Variants in DPYSL2 observed in about 807,000 individuals in gnomAD.
DPYSL2 encodes dihydropyrimidinase-related protein 2.
In DPYSL2, 13 loss-of-function variants were observed where a neutral mutation model predicts 69.9. That is an observed-to-expected ratio of 0.19 (90% CI 0.12 to 0.30). DPYSL2 has a LOEUF of 0.30. Ranked by LOEUF, DPYSL2 falls within the 10% of genes least tolerant of loss-of-function variation. The probability of loss-of-function intolerance (pLI) is 1.00; values close to 1 mark genes in which losing one functional copy is unlikely to be tolerated. For missense variants in DPYSL2, 587 were observed against 918.9 expected (o/e 0.64, Z 4.67); for synonymous variants, 326 against 359.1 (o/e 0.91, Z 1.04).
intron 1 of DPYSL2, among the ~76,000 whole-genome samples, chr8:26,527,062 G>A (rs961847456): frequency 6.6e-6 from 1 of 152,212 alleles, no homozygotes. Context: ...TTTGTGGCTT[G>A]AGCCAATATT....
At chr8:26,573,390 C>T (rs1024184231) in intron 1 of DPYSL2, among the ~76,000 whole-genome samples, 2 of 150,778 alleles carry the variant, frequency 1.3e-5, no homozygotes, top group Non-Finnish European at 3.0e-5. Flanking sequence ...TGGGCGTGGC[C>T]GGGCGCGGTG....
rs1801910084 is a variant in DPYSL2, at chr8:26,598,235, T to C, written c.628+14252T>C. On this transcript the variant is annotated intron_variant, in intron 3 of 13. Coordinates refer to ENST00000521913, the MANE Select transcript of DPYSL2 (RefSeq NM_001197293.3). This position sits in a 1 kb window ranked among gnomAD's most constrained non-coding sequence, Gnocchi z 4.2. The stretch of plus-strand genomic sequence containing the variant: ...GGTATTCGAAGGGCTAAATTTGTTT[T>C]GTGACTTTTGCCTTCAGCAGCCATC... Among the ~76,000 whole-genome samples, 1 of 152,226 alleles carries C rather than the reference T, an allele frequency of 6.6e-6. No homozygotes were observed. Among genetic ancestry groups the C allele is most frequent in the Admixed American group, 6.5e-5 (1 of 15,290 alleles).
In DPYSL2 at chr8:26,609,736, C is replaced by A. The variant is rs1355330398; in HGVS notation, c.629-14407C>A. Among the ~76,000 whole-genome samples, 2 of 152,202 alleles carry A rather than the reference C, an allele frequency of 1.3e-5. No individual in the cohort carries two copies. The highest frequency in any genetic ancestry group is 2.9e-5 in the Non-Finnish European group (2 of 68,032). ...GCCAGGCAGGGACTGTTGACCCTGG[C>A]CCCTGTAGGAAGCACCTCTGGCTTG... On this transcript the variant is annotated intron_variant, in intron 3 of 13. Coordinates refer to ENST00000521913, the MANE Select transcript of DPYSL2 (RefSeq NM_001197293.3). The surrounding 1 kb of genome is among the most constrained non-coding windows in gnomAD (Gnocchi z 6.5).
At chr8:26,645,955 T>A (rs1286144091) in intron 10 of DPYSL2, among the ~76,000 whole-genome samples, 1 of 152,128 alleles carries the variant, frequency 6.6e-6, no homozygotes, top group Non-Finnish European at 1.5e-5. Flanking sequence ...AACGTCCGCC[T>A]CCCGGGTTCA....
rs1402987487 is a variant in DPYSL2, at chr8:26,640,190, A to G, written c.1127-3249A>G. Among the ~76,000 whole-genome samples, 1 of 152,192 alleles carries G rather than the reference A, an allele frequency of 6.6e-6. No individual in the cohort carries two copies. The highest frequency in any genetic ancestry group is 1.5e-5 in the Non-Finnish European group (1 of 68,028). ...GCCAGAGCTGGGAGCTATCAAGCAT[A>G]TTTAAACCGCAGCCTTCCATTTATT... is the stretch of plus-strand genomic sequence containing the variant. On this transcript the variant is annotated intron_variant, in intron 8 of 13. Coordinates refer to ENST00000521913, the MANE Select transcript of DPYSL2 (RefSeq NM_001197293.3). This position sits in a 1 kb window ranked among gnomAD's most constrained non-coding sequence, Gnocchi z 4.2.
chr8:26,655,278 C>T (rs1212913438), intron 13 of DPYSL2, among the ~76,000 whole-genome samples: 1 of 152,110 alleles, frequency 6.6e-6, no homozygotes, highest in Non-Finnish European at 1.5e-5. Flanking sequence ...AGGAGGATTG[C>T]TTGAGCCCAG....
Position 26,626,490 on chromosome 8 carries a change from C to CACAA in DPYSL2, c.794-124_794-123insAACA, listed in dbSNP as rs1940984572. 4 of 132,178 alleles carry CACAA rather than the reference C, an allele frequency of 3.0e-5. No individual in the cohort carries two copies. In the East Asian group the frequency reaches 4.3e-4, roughly 14 times the overall value. 8.2% of individuals were successfully genotyped at this position (132,178 alleles called of 1,614,324 possible). ...CTCTTTCTCTGTACTGAAACACACACACACACACACACACACACACACACA... is the reference window on the plus strand; with the variant it reads ...CTCTTTCTCTGTACTGAAACACACACACAAACACACACACACACACACACACACA... On this transcript the variant is annotated intron_variant, in intron 4 of 13. Transcript: ENST00000521913. This position sits in a 1 kb window ranked among gnomAD's most constrained non-coding sequence, Gnocchi z 4.3.
At chr8:26,546,658 G>A (rs1461247326) in intron 1 of DPYSL2, among the ~76,000 whole-genome samples, 2 of 151,040 alleles carry the variant, frequency 1.3e-5, no homozygotes, top group East Asian at 2.0e-4. Flanking sequence ...GGTGGCTCAC[G>A]CCTGTAATCC....
rs1801727718 is a variant in DPYSL2, at chr8:26,591,556, T to TGATG, written c.628+7575_628+7578dup. Among the ~76,000 whole-genome samples the TGATG allele has an allele frequency of 6.6e-6, 1 of 152,206 alleles. No homozygotes were observed. Among genetic ancestry groups the TGATG allele is most frequent in the Non-Finnish European group, 1.5e-5 (1 of 68,030 alleles). On this transcript the variant is annotated intron_variant, in intron 3 of 13. Coordinates refer to ENST00000521913, the MANE Select transcript of DPYSL2 (RefSeq NM_001197293.3). The surrounding 1 kb of genome is among the most constrained non-coding windows in gnomAD (Gnocchi z 5.8). ...AGCCAGAGAAGCTGCCCAATGAGTC[T>TGATG]GATGGGAGCCAGACCCGTTACTCCT...
In DPYSL2 at chr8:26,562,007, A is replaced by T. The variant is rs747603879; in HGVS notation, c.355-19962A>T. ...TTTCCAAATCTAGAGTTCACACTTG[A>T]TATTATAGTTTTATTTACATACCAC... is the stretch of plus-strand genomic sequence containing the variant. On this transcript the variant is annotated intron_variant, in intron 1 of 13. Coordinates refer to ENST00000521913, the MANE Select transcript of DPYSL2 (RefSeq NM_001197293.3). This position sits in a 1 kb window ranked among gnomAD's most constrained non-coding sequence, Gnocchi z 4.9. Among the ~76,000 whole-genome samples, 4 of 152,134 alleles carry T rather than the reference A, an allele frequency of 2.6e-5. No homozygotes were observed. The highest frequency in any genetic ancestry group is 5.9e-5 in the Non-Finnish European group (4 of 68,034).
rs980639751 is a variant in DPYSL2 at position 26,626,016 on chromosome 8, G to A, written c.794-601G>A. Among the ~76,000 whole-genome samples, 1 of 152,134 alleles carries A rather than the reference G, an allele frequency of 6.6e-6. No individual in the cohort carries two copies. Among genetic ancestry groups the A allele is most frequent in the African/African-American group, 2.4e-5 (1 of 41,436 alleles). Reference sequence around the variant, plus strand: ...CCACTGTCCTTCACCCCAGTCCCTGGCAACTGCTGTTGTACTTTCTGTCTG... The same window carrying A: ...CCACTGTCCTTCACCCCAGTCCCTGACAACTGCTGTTGTACTTTCTGTCTG... On this transcript the variant is annotated intron_variant, in intron 4 of 13. Coordinates refer to ENST00000521913, the MANE Select transcript of DPYSL2 (RefSeq NM_001197293.3). The surrounding 1 kb of genome is among the most constrained non-coding windows in gnomAD (Gnocchi z 4.3).
rs533658330 is a variant in DPYSL2, at chr8:26,598,298, G to A, written c.628+14315G>A. Among the ~76,000 whole-genome samples the A allele has an allele frequency of 3.3e-5, 5 of 152,240 alleles. No homozygotes were observed. The highest frequency in any genetic ancestry group is 1.3e-4 in the Admixed American group (2 of 15,280). On this transcript the variant is annotated intron_variant, in intron 3 of 13. Coordinates refer to ENST00000521913, the MANE Select transcript of DPYSL2 (RefSeq NM_001197293.3). The surrounding 1 kb of genome is among the most constrained non-coding windows in gnomAD (Gnocchi z 4.2). ...CTACCTTTTCTTGTGTTCTTCTGTCGTCGAGAATCAATTAAAATGGTCAGC... is the reference window on the plus strand; with the variant it reads ...CTACCTTTTCTTGTGTTCTTCTGTCATCGAGAATCAATTAAAATGGTCAGC...
intron 1 of DPYSL2, among the ~76,000 whole-genome samples, chr8:26,579,947 A>G (rs1801448847): frequency 1.9e-5 from 1 of 52,350 alleles, no homozygotes; most frequent in South Asian, 6.4e-4. Context: ...TTTTTTTTTT[A>G]AAGAGCGCCC....
intron 1 of DPYSL2, among the ~76,000 whole-genome samples, chr8:26,558,613 T>C (rs1242271809): frequency 2.0e-5 from 3 of 152,228 alleles, no homozygotes; most frequent in East Asian, 3.8e-4. Flanking sequence ...TGTAACTATA[T>C]TGGCTCATCA....
rs1376621067 is a variant in DPYSL2 at position 26,609,494 on chromosome 8, CGTGACT to C, written c.629-14646_629-14641del. Among the ~76,000 whole-genome samples the C allele has an allele frequency of 6.6e-6, 1 of 152,182 alleles. No individual in the cohort carries two copies. Among genetic ancestry groups the C allele is most frequent in the Non-Finnish European group, 1.5e-5 (1 of 68,026 alleles). On this transcript the variant is annotated intron_variant, in intron 3 of 13. Coordinates refer to ENST00000521913, the MANE Select transcript of DPYSL2 (RefSeq NM_001197293.3). This position sits in a 1 kb window ranked among gnomAD's most constrained non-coding sequence, Gnocchi z 6.5. ...AGTCTTTGCACGTGGAAGCTTGTGGCGTGACTGTTATTTTTTTGTGATGTTCTGTAC... is the reference window on the plus strand; with the variant it reads ...AGTCTTTGCACGTGGAAGCTTGTGGCGTTATTTTTTTGTGATGTTCTGTAC...
intron 1 of DPYSL2, among the ~76,000 whole-genome samples, chr8:26,570,274 C>T (rs1267982033): frequency 1.3e-5 from 2 of 152,052 alleles, no homozygotes; most frequent in Non-Finnish European, 1.5e-5. Context: ...CTGAGTTACA[C>T]TGGGTTATGA....
At chr8:26,550,986 C>T (rs1457854783) in intron 1 of DPYSL2, among the ~76,000 whole-genome samples, 1 of 152,098 alleles carries the variant, frequency 6.6e-6, no homozygotes, top group African/African-American at 2.4e-5. Flanking sequence ...CCATCCAGGC[C>T]CCCAGTCAGT....
At chr8:26,583,474 C>G (rs1377530245) in intron 2 of DPYSL2, among the ~76,000 whole-genome samples, 1 of 152,110 alleles carries the variant, frequency 6.6e-6, no homozygotes, top group Non-Finnish European at 1.5e-5. Context: ...AGCTCAATTG[C>G]AAGTGCTGTA....
chr8:26,563,395 A>G (rs1422910780), intron 1 of DPYSL2, among the ~76,000 whole-genome samples: 1 of 152,238 alleles, frequency 6.6e-6, no homozygotes, highest in African/African-American at 2.4e-5. Context: ...ACATTGAGTC[A>G]GAAACTTTGC....
Sources: gnomAD v4.1 joint callset for allele counts (sites outside exome capture counted in the v4.1 genomes callset) on GRCh38, gnomAD v4.1.1 for gene constraint, Gnocchi (gnomAD v3.1) non-coding constraint, MANE v1.5 for transcripts, NCBI Gene and HGNC (gene_info 2026-07-23, HGNC 2026-07-21) for gene names.